COL25A1: variants seen among roughly 807,000 people sequenced by gnomAD.
The protein encoded by COL25A1 is collagen type XXV alpha 1 chain, also known as collagen alpha-1(XXV) chain.
In COL25A1, 103 loss-of-function variants were observed where a neutral mutation model predicts 128.4. The ratio of observed to expected loss-of-function variants is 0.80; its 90% CI spans 0.68 to 0.94. The LOEUF is 0.94. Ranked by LOEUF, COL25A1 falls within the 40% of genes least tolerant of loss-of-function variation. The pLI is 0.00. For synonymous variants in COL25A1, 279 were observed against 277.2 expected, an observed-to-expected ratio of 1.01 and a Z score of -0.06; for missense variants, 745 against 840.0, an observed-to-expected ratio of 0.89 and a Z score of 1.40.
intron 3 of COL25A1, among the ~76,000 whole-genome samples, chr4:109,254,982 T>C (rs932147784): frequency 6.6e-6 from 1 of 152,170 alleles, no homozygotes; most frequent in Admixed American, 6.5e-5. Flanking sequence ...CTAATGCAAA[T>C]ACAAGGCTAA....
Position 108,809,561 on chromosome 4 carries a change from G to A in COL25A1, c.*4366C>T, listed in dbSNP as rs560459155. The A allele has an allele frequency of 1.6e-4, 25 of 152,012 alleles. No homozygotes were observed. Among genetic ancestry groups the A allele is most frequent in the Admixed American group, 4.6e-4 (7 of 15,274 alleles). 9.4% of individuals were successfully genotyped at this position (152,012 alleles called of 1,614,324 possible). Reference sequence around the variant, plus strand: ...AAAGTCTTCTTATGCCCAAAAGGACGGTTCTTTCAATAAGCAGCATAGGCA... The same window carrying A: ...AAAGTCTTCTTATGCCCAAAAGGACAGTTCTTTCAATAAGCAGCATAGGCA... On this transcript the variant is annotated 3_prime_UTR_variant, in exon 38 of 38. Transcript: ENST00000399132.
chr4:109,111,510 T>C (rs1767018345), intron 3 of COL25A1, among the ~76,000 whole-genome samples: 3 of 152,204 alleles, frequency 2.0e-5, no homozygotes, highest in Admixed American at 6.5e-5. Context: ...GTGCCCTCAC[T>C]GTCTTGCATT....
rs372597063 is a variant in COL25A1 at position 109,175,479 on chromosome 4, C to T, written c.367+125104G>A. Among the ~76,000 whole-genome samples, 24 of 152,074 alleles carry T rather than the reference C, an allele frequency of 1.6e-4. 1 individual carries two copies. Among genetic ancestry groups the T allele is most frequent in the East Asian group, 1.3e-3 (7 of 5,200 alleles). On this transcript the variant is annotated intron_variant, in intron 3 of 37. Coordinates refer to ENST00000399132, the MANE Select transcript of COL25A1 (RefSeq NM_198721.4). ...AATATTGGGGAACTACACAGCATTC[C>T]AATAAGAGTTCTTCATATAAAACAC...
At chr4:109,161,017 T>G (rs1772522460) in intron 3 of COL25A1, among the ~76,000 whole-genome samples, 1 of 152,194 alleles carries the variant, frequency 6.6e-6, no homozygotes, top group Non-Finnish European at 1.5e-5. Context: ...TCTAATTCTC[T>G]TTTGAGACAG....
At chr4:109,105,239 C>T (rs937830778) in intron 3 of COL25A1, among the ~76,000 whole-genome samples, 3 of 152,086 alleles carry the variant, frequency 2.0e-5, no homozygotes, top group Non-Finnish European at 4.4e-5. Context: ...TTTGGGAGGC[C>T]GAGGCAGGTG....
At chr4:109,268,220 G>C (rs779182070) in intron 3 of COL25A1, among the ~76,000 whole-genome samples, 32 of 152,194 alleles carry the variant, frequency 2.1e-4, no homozygotes, top group Non-Finnish European at 3.5e-4. Flanking sequence ...GGCGACTGAA[G>C]AATGTCTGCA....
At chr4:109,208,388 G>A (rs1777181145) in intron 3 of COL25A1, among the ~76,000 whole-genome samples, 4 of 151,002 alleles carry the variant, frequency 2.6e-5, no homozygotes, top group Admixed American at 2.6e-4. Flanking sequence ...GCTGTTCCAC[G>A]CCCTAAGGAT....
rs947736073 is a variant in COL25A1, at chr4:108,950,584, A to T, written c.493-9147T>A. ...TTTTCCTTTTCTAAAGACATACTGA[A>T]TCAACACTTGGTATACAGAGATTAG... On this transcript the variant is annotated intron_variant, in intron 8 of 37. Coordinates refer to ENST00000399132, the MANE Select transcript of COL25A1 (RefSeq NM_198721.4). 6.6e-5 allele frequency among the ~76,000 whole-genome samples: 10 copies of T among 152,178 alleles called. No homozygotes were observed. The East Asian group carries it at 1.9e-3, about 29-fold the overall frequency.
chr4:108,900,840 T>C (rs1176964243), intron 14 of COL25A1, among the ~76,000 whole-genome samples: 2 of 152,136 alleles, frequency 1.3e-5, no homozygotes, highest in African/African-American at 4.8e-5. Flanking sequence ...ACAACAGCCA[T>C]ATTGGAAACA....
chr4:109,177,318 C>T (rs1321453956), intron 3 of COL25A1, among the ~76,000 whole-genome samples: 2 of 152,124 alleles, frequency 1.3e-5, no homozygotes, highest in South Asian at 2.1e-4. Context: ...AGAGTTAAAA[C>T]GTAGTGTAAA....
At chr4:109,082,783 T>C (rs1763956512) in intron 3 of COL25A1, among the ~76,000 whole-genome samples, 1 of 152,194 alleles carries the variant, frequency 6.6e-6, no homozygotes, top group Admixed American at 6.5e-5. Context: ...ACTTTTATTT[T>C]AGGTTCGTGG....
At chr4:108,924,149 AT>A (rs1414290637) in intron 11 of COL25A1, among the ~76,000 whole-genome samples, 1 of 152,208 alleles carries the variant, frequency 6.6e-6, no homozygotes, top group African/African-American at 2.4e-5. Context: ...TAATTGAAGA[AT>A]TCTGCATCAT....
chr4:108,852,150 A>G (rs1735858486), intron 26 of COL25A1, 86 bp downstream of exon 26: 1 of 1,064,154 alleles, frequency 9.4e-7, no homozygotes, highest in Non-Finnish European at 1.4e-6. Context: ...AGCATTTTGT[A>G]AGACTGATTT....
At chr4:109,155,291 T>C (rs1326819803) in intron 3 of COL25A1, among the ~76,000 whole-genome samples, 2 of 152,206 alleles carry the variant, frequency 1.3e-5, no homozygotes, top group Admixed American at 1.3e-4. Flanking sequence ...CCTCCTCTGT[T>C]ATCCCCCAGG....
In COL25A1 at chr4:109,167,040, C is replaced by T. The variant is rs139539332; in HGVS notation, c.368-116861G>A. Among the ~76,000 whole-genome samples the T allele has an allele frequency of 7.9e-3, 1,208 of 152,092 alleles. 7 individuals carry two copies. The highest frequency in any genetic ancestry group is 0.013 in the Non-Finnish European group (870 of 67,950). Reference sequence around the variant, plus strand: ...AAAATTTCTAGAAAATGAATATGATCAATGAGGTCTTTGTTTAACAAATTT... The same window carrying T: ...AAAATTTCTAGAAAATGAATATGATTAATGAGGTCTTTGTTTAACAAATTT... On this transcript the variant is annotated intron_variant, in intron 3 of 37. Transcript: ENST00000399132.
At chr4:109,147,941 T>C (rs904050693) in intron 3 of COL25A1, among the ~76,000 whole-genome samples, 1 of 152,020 alleles carries the variant, frequency 6.6e-6, no homozygotes, top group African/African-American at 2.4e-5. Flanking sequence ...GTTTTTACCA[T>C]AGGAGATAGC....
At chr4:109,041,748 A>T (rs1759915367) in intron 5 of COL25A1, among the ~76,000 whole-genome samples, 1 of 152,076 alleles carries the variant, frequency 6.6e-6, no homozygotes, top group Non-Finnish European at 1.5e-5. Flanking sequence ...GGTCAAAAAA[A>T]TCCTCCCATC....
chr4:109,057,181 A>G (rs1333915616), intron 3 of COL25A1, among the ~76,000 whole-genome samples: 1 of 152,160 alleles, frequency 6.6e-6, no homozygotes, highest in African/African-American at 2.4e-5. Flanking sequence ...TTAAGCAGCA[A>G]GGTATGCCCT....
intron 6 of COL25A1, among the ~76,000 whole-genome samples, chr4:108,992,876 A>T (rs1452226244): frequency 6.6e-6 from 1 of 152,110 alleles, no homozygotes; most frequent in Non-Finnish European, 1.5e-5. Context: ...TTGACAGAGA[A>T]AATTATATGT....
Sources: allele counts gnomAD v4.1 joint callset (sites outside exome capture counted in the v4.1 genomes callset), GRCh38; gene constraint gnomAD v4.1.1; transcripts MANE v1.5; gene names NCBI Gene and HGNC (gene_info 2026-07-23, HGNC 2026-07-21).